The following CCDC33 variants were observed in gnomAD, a reference collection of about 807,000 sequenced individuals.
The protein encoded by CCDC33 is coiled-coil domain containing 33.
Under a neutral mutation model 91.9 loss-of-function variants are expected in CCDC33, and 94 were observed. That is an observed-to-expected ratio of 1.02 (90% CI 0.87 to 1.21). The LOEUF is 1.21. Among genes scored for constraint, CCDC33 ranks in the 50% most tolerant of loss-of-function variants. The pLI, the probability that CCDC33 is intolerant of heterozygous loss-of-function variation, is 0.00. For missense variants in CCDC33, 940 were observed against 935.5 expected (o/e 1.00, Z -0.06); for synonymous variants, 396 against 374.5 (o/e 1.06, Z -0.66).
In CCDC33 at chr15:74,330,185, A is replaced by G. The variant is rs1379092158; in HGVS notation, c.1291-4A>G. ...GGCTCAGCTCTGGGCTCTGGGATCC[A>G]CAGGAGATGAACAACTACCGGCGGG... is the stretch of plus-strand genomic sequence containing the variant. On this transcript the variant is annotated splice_region_variant and splice_polypyrimidine_tract_variant and intron_variant, in intron 11 of 18. Transcript: ENST00000398814. 1.9e-6 allele frequency: 3 copies of G among 1,599,748 alleles called. No individual in the cohort carries two copies. Among genetic ancestry groups the G allele is most frequent in the Non-Finnish European group, 2.6e-6 (3 of 1,171,294 alleles).
intron 2 of CCDC33, among the ~76,000 whole-genome samples, chr15:74,226,226 CGTCAAGGACTCA>C (rs1470289302): frequency 1.3e-5 from 2 of 152,114 alleles, no homozygotes; most frequent in Non-Finnish European, 2.9e-5. Flanking sequence ...GCTGGGTGGT[CGTCAAGGACTCA>C]GTCTGTTGGA....
Position 74,331,003 on chromosome 15 carries a change from T to C in CCDC33, c.1568T>C (p.Leu523Pro). The C allele has an allele frequency of 6.2e-7, 1 of 1,601,700 alleles. No individual in the cohort carries two copies. Reference sequence around the variant, plus strand: ...CAGAAGAATGATCGAGAGAAGGAGCTGCTCCTTCTGTATCAGGCCCAGCAG... The same window carrying C: ...CAGAAGAATGATCGAGAGAAGGAGCCGCTCCTTCTGTATCAGGCCCAGCAG... ...LIRKNDREKELLLLYQAQQPQ... is the reference protein window; with the variant it reads ...LIRKNDREKEPLLLYQAQQPQ... The change falls in exon 14 of 19, where the codon CTG (leucine) becomes CCG (proline). Residue 523 changes from leucine to proline, a missense_variant. Leu to Pro is a moderately conservative substitution (Grantham distance 98). Transcript: ENST00000398814.
intron 11 of CCDC33, among the ~76,000 whole-genome samples, chr15:74,325,278 A>G (rs1567035981): frequency 6.6e-6 from 1 of 150,934 alleles, no homozygotes; most frequent in African/African-American, 2.4e-5. Context: ...TTACTCCCCA[A>G]CCAGCACTCT....
intron 2 of CCDC33, among the ~76,000 whole-genome samples, chr15:74,223,918 G>A (rs981267378): frequency 6.6e-6 from 1 of 152,148 alleles, no homozygotes; most frequent in Non-Finnish European, 1.5e-5. Flanking sequence ...CCTTGAGTAG[G>A]GGGTGGGAAG....
At chr15:74,247,511 A>G (rs1566967591) in intron 2 of CCDC33, among the ~76,000 whole-genome samples, 1 of 152,192 alleles carries the variant, frequency 6.6e-6, no homozygotes, top group Admixed American at 6.5e-5. Context: ...TTATTCAGCC[A>G]TAAAAGGGAG....
Position 74,244,086 on chromosome 15 carries a change from C to T in CCDC33, c.123C>T (p.Leu41=), listed in dbSNP as rs1370427349. The T allele has an allele frequency of 6.2e-7, 1 of 1,613,952 alleles. No homozygotes were observed. The highest frequency in any genetic ancestry group is 8.5e-7 in the Non-Finnish European group (1 of 1,179,986). ...AGAAGGAGACCATCATGGTCACCCT[C>T]CATGGGGCTACCAACCTGCCTGCCT... is the stretch of plus-strand genomic sequence containing the variant. The part of the protein sequence containing the change: ...PSKKETIMVT[L]HGATNLPACK... The change falls in exon 2 of 19, where the codon CTC becomes CTT. Residue 41 remains leucine (L), a synonymous_variant. Coordinates refer to ENST00000398814, the MANE Select transcript of CCDC33 (RefSeq NM_025055.5). This position sits in a 1 kb window ranked among gnomAD's most constrained non-coding sequence, Gnocchi z 4.2.
At chr15:74,254,571 C>T (rs1406055945) in intron 2 of CCDC33, among the ~76,000 whole-genome samples, 3 of 152,108 alleles carry the variant, frequency 2.0e-5, no homozygotes, top group Non-Finnish European at 4.4e-5. Context: ...TATAAGTAGG[C>T]ATTCTCCTTT....
intron 2 of CCDC33, chr15:74,221,497 T>C: frequency 5.8e-6 from 1 of 171,096 alleles, no homozygotes; most frequent in Non-Finnish European, 1.2e-5. Context: ...TCCCTAGTCC[T>C]GGAGACTCGG....
intron 2 of CCDC33, among the ~76,000 whole-genome samples, chr15:74,258,039 C>A (rs2142352299): frequency 6.6e-6 from 1 of 152,340 alleles, no homozygotes; most frequent in African/African-American, 2.4e-5. Flanking sequence ...GAGACCCAAC[C>A]ATTACACCTT....
intron 2 of CCDC33, among the ~76,000 whole-genome samples, chr15:74,256,456 C>T (rs187571554): frequency 2.0e-5 from 3 of 152,236 alleles, no homozygotes; most frequent in East Asian, 1.9e-4. Flanking sequence ...TCAGAGTGAC[C>T]GAACCATTGA....
In CCDC33 at chr15:74,218,582, G is replaced by C; in HGVS notation, c.396G>C (p.Gln132His). Residue 132 changes from glutamine (Q) to histidine (H), a missense_variant, in exon 2 of 3, where the codon CAG (glutamine) becomes CAC (histidine). By Grantham distance (24) the Gln-to-His change is conservative. Transcript: ENST00000635913. The surrounding 1 kb of genome is among the most constrained non-coding windows in gnomAD (Gnocchi z 4.8). ...ACGAACCCTTGGGACGGGCAGCCCA[G>C]CGGGTGGGTGAGGCCATCTTCCCCA... 3 of 1,289,850 alleles carry C rather than the reference G, an allele frequency of 2.3e-6. No individual in the cohort carries two copies. The highest frequency in any genetic ancestry group is 3.0e-6 in the Non-Finnish European group (3 of 988,874). The allele number at this position is 1,289,850 out of a possible 1,614,324, so 79.9% of individuals were successfully genotyped here.
At chr15:74,226,742 C>T (rs1314141965) in intron 2 of CCDC33, among the ~76,000 whole-genome samples, 1 of 151,338 alleles carries the variant, frequency 6.6e-6, no homozygotes, top group African/African-American at 2.4e-5. Flanking sequence ...GCAGGAGAAT[C>T]GCTTGAACCT....
At chr15:74,323,400 T>C (rs1251846762) in intron 11 of CCDC33, among the ~76,000 whole-genome samples, 1 of 151,988 alleles carries the variant, frequency 6.6e-6, no homozygotes, top group Admixed American at 6.6e-5. Flanking sequence ...ACCACCCAGG[T>C]CAGGAAACAG....
intron 11 of CCDC33, among the ~76,000 whole-genome samples, chr15:74,308,337 G>C (rs117023490): frequency 0.017 from 2,206 of 126,248 alleles, 24 homozygotes; most frequent in Middle Eastern, 0.069. Context: ...GAAAAGCCCA[G>C]TCCATGTGTG....
intron 11 of CCDC33, among the ~76,000 whole-genome samples, chr15:74,311,295 C>G (rs1289301803): frequency 1.3e-5 from 2 of 152,126 alleles, no homozygotes; most frequent in Non-Finnish European, 2.9e-5. Flanking sequence ...CCCTCCACAC[C>G]CCCTACCCCA....
At chr15:74,302,804 T>C (rs351188) in intron 11 of CCDC33, 50,440 of 152,730 alleles carry the variant, frequency 0.33, 9,580 homozygotes, top group African/African-American at 0.53. Flanking sequence ...CCACAGGGCA[T>C]ACTCCCCCTG....
intron 2 of CCDC33, among the ~76,000 whole-genome samples, chr15:74,250,137 C>G (rs2075659616): frequency 6.6e-6 from 1 of 152,130 alleles, no homozygotes; most frequent in African/African-American, 2.4e-5. Context: ...TGAGCTGCTT[C>G]TCTCCACCAG....
chr15:74,334,646 G>A (rs1214439859), intron 17 of CCDC33, among the ~76,000 whole-genome samples: 5 of 152,170 alleles, frequency 3.3e-5, no homozygotes, highest in African/African-American at 1.2e-4. Flanking sequence ...TATGACCAGG[G>A]TTAGGGTTCA....
In CCDC33 at chr15:74,296,025, G is replaced by A. The variant is rs1016811393; in HGVS notation, c.1290+77G>A. ...GAAGGGGACTTGACTGCCATCTGCAGGACTGCTTCATGCCTCAGGTGGCCA... is the reference window on the plus strand; with the variant it reads ...GAAGGGGACTTGACTGCCATCTGCAAGACTGCTTCATGCCTCAGGTGGCCA... On this transcript the variant is annotated intron_variant, in intron 11 of 18. Coordinates refer to ENST00000398814, the MANE Select transcript of CCDC33 (RefSeq NM_025055.5). 12 of 1,318,666 alleles carry A rather than the reference G, an allele frequency of 9.1e-6. No individual in the cohort carries two copies. The African/African-American group carries it at 1.8e-4, about 19-fold the overall frequency. The allele number at this position is 1,318,666 out of a possible 1,614,324, so 81.7% of individuals were successfully genotyped here.
Sources: allele counts gnomAD v4.1 joint callset (sites outside exome capture counted in the v4.1 genomes callset), GRCh38; gene constraint gnomAD v4.1.1; non-coding constraint Gnocchi (gnomAD v3.1); transcripts MANE v1.5; gene names NCBI Gene and HGNC (gene_info 2026-07-23, HGNC 2026-07-21).